Variants in TSEN2 observed in about 807,000 individuals in gnomAD.
TSEN2 encodes tRNA splicing endonuclease subunit 2, also known as tRNA-splicing endonuclease subunit Sen2.
A neutral mutation model predicts 59.2 loss-of-function variants in TSEN2; 54 were observed. That is an observed-to-expected ratio of 0.91 (90% CI 0.73 to 1.14). The LOEUF (loss-of-function observed/expected upper bound fraction) is 1.14, where lower values mean the gene tolerates loss of function less well. TSEN2 is among the 50% of genes most tolerant of loss of function. TSEN2 has a pLI of 0.00. For synonymous variants in TSEN2, 195 were observed against 198.2 expected (o/e 0.98, Z 0.14); for missense variants, 636 against 576.2 (o/e 1.10, Z -1.06).
chr3:12,503,865 C>G, intron 5 of TSEN2, 81 bp downstream of exon 5: 1 of 1,532,166 alleles, frequency 6.5e-7, no homozygotes, highest in Non-Finnish European at 8.8e-7. Flanking sequence ...CTTTTGCCTG[C>G]AGCTGGTAGC....
At chr3:12,508,868 T>C (rs1428120153) in intron 6 of TSEN2, among the ~76,000 whole-genome samples, 2 of 152,176 alleles carry the variant, frequency 1.3e-5, no homozygotes, top group Non-Finnish European at 2.9e-5. Flanking sequence ...TTTTTATTCT[T>C]ATATTTTTTA....
chr3:12,514,142 A>G lies in TSEN2; in HGVS notation c.910-2469A>G. On this transcript the variant is annotated intron_variant, in intron 6 of 11. Coordinates refer to ENST00000284995, the MANE Select transcript of TSEN2 (RefSeq NM_025265.4). ...AGTAAGTGCTCTGGAGATGATCAGG[A>G]TGGGGGTTACTTAGACTTGGTGGCC... is the stretch of plus-strand genomic sequence containing the variant. Among the ~76,000 whole-genome samples the G allele has an allele frequency of 1.3e-5, 2 of 152,206 alleles. 1 individual carries two copies. The highest frequency in any genetic ancestry group is 2.9e-5 in the Non-Finnish European group (2 of 68,024).
intron 4 of TSEN2, among the ~76,000 whole-genome samples, chr3:12,501,664 A>G (rs117318620): frequency 0.025 from 3,763 of 151,884 alleles, 69 homozygotes; most frequent in South Asian, 0.059. Context: ...TCATCTTTGC[A>G]CAGGGGCCAT....
At chr3:12,503,957 T>G (rs541862176) in intron 5 of TSEN2, among the ~76,000 whole-genome samples, 173 bp downstream of exon 5, 3 of 151,922 alleles carry the variant, frequency 2.0e-5, no homozygotes, top group African/African-American at 7.3e-5. Flanking sequence ...AACCCCAGAG[T>G]TGGTGAATAA....
exon 11 of TSEN2, chr3:12,539,256 C>G (rs547376544): frequency 3.4e-5 from 13 of 380,286 alleles, no homozygotes; most frequent in East Asian, 2.6e-4. Context: ...GCCTCAGCCT[C>G]CTGAGTAGCT....
In TSEN2 at chr3:12,532,955, C is replaced by A. The variant is rs1376526475; in HGVS notation, c.*234C>A. On this transcript the variant is annotated 3_prime_UTR_variant, in exon 12 of 12. Transcript: ENST00000284995. ...GGCCTCTAACTCTCCAATCCAGAGC[C>A]TCCTGCCTCTGGCGTCAGTCTTTTC... 3.5e-6 allele frequency: 2 copies of A among 576,858 alleles called. No homozygotes were observed. Among genetic ancestry groups the A allele is most frequent in the East Asian group, 3.0e-5 (1 of 33,810 alleles). The allele number at this position is 576,858 out of a possible 1,614,324, so 35.7% of individuals were successfully genotyped here.
At chr3:12,500,085 C>G (rs1318610244) in intron 4 of TSEN2, among the ~76,000 whole-genome samples, 1 of 152,154 alleles carries the variant, frequency 6.6e-6, no homozygotes, top group African/African-American at 2.4e-5. Flanking sequence ...TGCTGCTTTC[C>G]CCAGTCCTGT....
At chr3:12,486,937 T>C (rs1467388099) in intron 1 of TSEN2, among the ~76,000 whole-genome samples, 1 of 152,266 alleles carries the variant, frequency 6.6e-6, no homozygotes. Flanking sequence ...TGGTCAACTA[T>C]TGATGGACAT....
intron 6 of TSEN2, among the ~76,000 whole-genome samples, chr3:12,512,545 A>G (rs1357621608): frequency 6.6e-6 from 1 of 152,222 alleles, no homozygotes; most frequent in Non-Finnish European, 1.5e-5. Flanking sequence ...AATGATCACA[A>G]AATAGATCTT....
At position 12,533,029 on chromosome 3, in the gene TSEN2, A is replaced by G. The variant is rs1024720089; in HGVS notation, c.*308A>G. The G allele has an allele frequency of 4.4e-6, 2 of 458,896 alleles. No individual in the cohort carries two copies. The highest frequency in any genetic ancestry group is 4.0e-6 in the Non-Finnish European group (1 of 252,800). The allele number at this position is 458,896 out of a possible 1,614,324, so 28.4% of individuals were successfully genotyped here. A position where few individuals can be genotyped will look rare whatever the true frequency, so the allele number is the denominator to read the frequency against. On this transcript the variant is annotated 3_prime_UTR_variant, in exon 12 of 12. Transcript: ENST00000284995. ...TGGACTAGAGGAGTCCTGAGAGGACACTTCCAACAAGAGACATTTATTCTC... is the reference window on the plus strand; with the variant it reads ...TGGACTAGAGGAGTCCTGAGAGGACGCTTCCAACAAGAGACATTTATTCTC...
intron 6 of TSEN2, chr3:12,514,627 G>A (rs1378853181): frequency 1.3e-5 from 2 of 152,098 alleles, no homozygotes; most frequent in African/African-American, 2.4e-5. Flanking sequence ...GTGGTCCCTC[G>A]TATCTGTCAG....
At chr3:12,521,527 C>T (rs1173281063) in intron 8 of TSEN2, among the ~76,000 whole-genome samples, 5 of 151,710 alleles carry the variant, frequency 3.3e-5, no homozygotes, top group Non-Finnish European at 7.4e-5. Flanking sequence ...CCAGCCTTGC[C>T]AACGTGGTGA....
intron 3 of TSEN2, among the ~76,000 whole-genome samples, chr3:12,494,068 C>T (rs1420416724): frequency 6.6e-6 from 1 of 152,156 alleles, no homozygotes; most frequent in East Asian, 1.9e-4. Context: ...CCAGTATATG[C>T]GTTTACTTTT....
At position 12,530,257 on chromosome 3, in the gene TSEN2, T is replaced by C. The variant is rs146704335; in HGVS notation, c.1248+384T>C. ...ACAAAGGAGTCAAAACATTGAAAGT[T>C]TGCAGATCTCTTAGAGAGGAAGGGA... is the stretch of plus-strand genomic sequence containing the variant. On this transcript the variant is annotated intron_variant, in intron 10 of 11. Coordinates refer to ENST00000284995, the MANE Select transcript of TSEN2 (RefSeq NM_025265.4). 769 of 1,011,290 alleles carry C rather than the reference T, an allele frequency of 7.6e-4. 5 individuals carry two copies. The African/African-American group carries it at 0.012, about 16-fold the overall frequency. The allele number at this position is 1,011,290 out of a possible 1,614,324, so 62.6% of individuals were successfully genotyped here. A position where few individuals can be genotyped will look rare whatever the true frequency, so the allele number is the denominator to read the frequency against.
chr3:12,481,069 A>G (rs1292421371), upstream of TSEN2, among the ~76,000 whole-genome samples: 1 of 152,234 alleles, frequency 6.6e-6, no homozygotes, highest in Non-Finnish European at 1.5e-5. Flanking sequence ...TAAGTGCCCA[A>G]TAAATTGTCA....
At chr3:12,483,440 C>G (rs1178639731), upstream of TSEN2, among the ~76,000 whole-genome samples, 1 of 152,164 alleles carries the variant, frequency 6.6e-6, no homozygotes, top group Non-Finnish European at 1.5e-5. Flanking sequence ...CAGACTACTG[C>G]AGAGCACAGA....
intron 1 of TSEN2, among the ~76,000 whole-genome samples, chr3:12,488,728 G>C (rs1231199037): frequency 6.6e-6 from 1 of 152,144 alleles, no homozygotes; most frequent in African/African-American, 2.4e-5. Context: ...GTGCACAGTG[G>C]GTAATTCCGT....
At position 12,531,564 on chromosome 3, in the gene TSEN2, C is replaced by T; in HGVS notation, c.1249-6C>T. The T allele has an allele frequency of 6.3e-7, 1 of 1,598,098 alleles. No homozygotes were observed. Among genetic ancestry groups the T allele is most frequent in the Non-Finnish European group, 8.6e-7 (1 of 1,165,522 alleles). Reference sequence around the variant, plus strand: ...GATACAGAAGTGGTTTTTCATTTCTCAATAGGAACTTATGCTGTGCTATTT... The same window carrying T: ...GATACAGAAGTGGTTTTTCATTTCTTAATAGGAACTTATGCTGTGCTATTT... On this transcript the variant is annotated splice_region_variant and splice_polypyrimidine_tract_variant and intron_variant, in intron 10 of 11. Coordinates refer to ENST00000284995, the MANE Select transcript of TSEN2 (RefSeq NM_025265.4).
downstream of TSEN2, chr3:12,539,620 C>T (rs540934169): frequency 3.1e-5 from 5 of 161,824 alleles, no homozygotes; most frequent in South Asian, 8.0e-4. Flanking sequence ...TGTGCTACCA[C>T]TTTATGCTGT....
Sources: gnomAD v4.1 joint callset for allele counts (sites outside exome capture counted in the v4.1 genomes callset) on GRCh38, gnomAD v4.1.1 for gene constraint, MANE v1.5 for transcripts, NCBI Gene and HGNC (gene_info 2026-07-23, HGNC 2026-07-21) for gene names.